CATSPER1: variants seen among roughly 807,000 people sequenced by gnomAD.
CATSPER1 encodes the protein cation channel sperm associated 1, also known as cation channel sperm-associated protein 1.
In CATSPER1, 57 loss-of-function variants were observed where a neutral mutation model predicts 72.7. The ratio of observed to expected loss-of-function variants is 0.78; its 90% CI spans 0.63 to 0.98. CATSPER1 has a LOEUF of 0.98. CATSPER1 is among the 50% of genes least tolerant of loss of function. The probability of loss-of-function intolerance (pLI) is 0.00; values close to 1 mark genes in which losing one functional copy is unlikely to be tolerated. For missense variants in CATSPER1, 910 were observed against 1,033.9 expected (o/e 0.88, Z 1.64); for synonymous variants, 363 against 403.0 (o/e 0.90, Z 1.19).
Position 66,021,125 on chromosome 11 carries a change from TGCGATGGACGGCAAGG to T in CATSPER1, c.1736_1751del (p.Ser579Ter). 1 of 1,613,224 alleles carries T rather than the reference TGCGATGGACGGCAAGG, an allele frequency of 6.2e-7. No homozygotes were observed. Among genetic ancestry groups the T allele is most frequent in the Non-Finnish European group, 8.5e-7 (1 of 1,179,734 alleles). On this transcript the variant is annotated frameshift_variant, in exon 5 of 12. Transcript: ENST00000312106. LOFTEE classifies it high-confidence loss of function. Reference sequence around the variant, plus strand: ...AGGTAAACATGAGGATGAGGATGGCTGCGATGGACGGCAAGGACTGGCCCAGGGTCCCTGTCACTTC... The same window carrying T: ...AGGTAAACATGAGGATGAGGATGGCTACTGGCCCAGGGTCCCTGTCACTTC...
chr11:66,026,406 A>G lies in CATSPER1; in HGVS notation c.-27T>C. On this transcript the variant is annotated 5_prime_UTR_variant, in exon 1 of 12. Coordinates refer to ENST00000312106, the MANE Select transcript of CATSPER1 (RefSeq NM_053054.4). Reference sequence around the variant, plus strand: ...ACTGTGCTGGGAACTCTGGAGCCAAAAGAGCTCAAGACCTGGGCCCAACAG... The same window carrying G: ...ACTGTGCTGGGAACTCTGGAGCCAAGAGAGCTCAAGACCTGGGCCCAACAG... The G allele has an allele frequency of 6.2e-7, 1 of 1,609,710 alleles. No individual in the cohort carries two copies. Among genetic ancestry groups the G allele is most frequent in the Non-Finnish European group, 8.5e-7 (1 of 1,179,860 alleles).
Position 66,020,381 on chromosome 11 carries a change from A to T in CATSPER1, c.2000T>A (p.Ile667Asn). 1 of 1,614,034 alleles carries T rather than the reference A, an allele frequency of 6.2e-7. No individual in the cohort carries two copies. Residue 667 changes from isoleucine (I) to asparagine (N), a missense_variant, in exon 8 of 12, where the codon ATT (isoleucine) becomes AAT (asparagine). Physicochemically the swap from Ile to Asn is moderately radical, Grantham distance 149. Transcript: ENST00000312106. The surrounding 1 kb of genome is among the most constrained non-coding windows in gnomAD (Gnocchi z 4.5). ...IQYFIFLNLV[I>N]TVLVDSFQTA... The stretch of plus-strand genomic sequence containing the variant: ...CTGGAAGCTATCCACCAGGACAGTA[A>T]TCACCAGGCTGGGGAGAGGGACAGG...
rs757773897 is a variant in CATSPER1, at chr11:66,020,654, G to A, written c.1928-27C>T. On this transcript the variant is annotated intron_variant, in intron 6 of 11. Coordinates refer to ENST00000312106, the MANE Select transcript of CATSPER1 (RefSeq NM_053054.4). This position sits in a 1 kb window ranked among gnomAD's most constrained non-coding sequence, Gnocchi z 4.5. The stretch of plus-strand genomic sequence containing the variant: ...TAGGGGGAGCAGGCCAGAGGGCACA[G>A]TCAGGCTGTGCTCGCCACCCCCAAC... 4 of 1,606,964 alleles carry A rather than the reference G, an allele frequency of 2.5e-6. No homozygotes were observed. Among genetic ancestry groups the A allele is most frequent in the Non-Finnish European group, 3.4e-6 (4 of 1,175,156 alleles).
intron 2 of CATSPER1, 82 bp downstream of exon 2, chr11:66,022,767 G>T: frequency 7.1e-6 from 10 of 1,399,002 alleles, no homozygotes; most frequent in Non-Finnish European, 1.0e-5. Flanking sequence ...CCTATAAACC[G>T]CCCGGCACTG....
rs542912532 is a variant in CATSPER1, at chr11:66,018,015, A to G, written c.2201+812T>C. On this transcript the variant is annotated intron_variant, in intron 10 of 11. Coordinates refer to ENST00000312106, the MANE Select transcript of CATSPER1 (RefSeq NM_053054.4). Reference sequence around the variant, plus strand: ...GGAGTTCCAGACCAGTCTGGCCAACATGGTGAAACCCTGTCTCTACTAAAA... The same window carrying G: ...GGAGTTCCAGACCAGTCTGGCCAACGTGGTGAAACCCTGTCTCTACTAAAA... 2.6e-5 allele frequency among the ~76,000 whole-genome samples: 4 copies of G among 152,198 alleles called. No homozygotes were observed. The South Asian group carries it at 6.2e-4, about 24-fold the overall frequency.
At position 66,026,055 on chromosome 11, in the gene CATSPER1, G is replaced by A. The variant is rs372307795; in HGVS notation, c.325C>T (p.Arg109Cys). The A allele has an allele frequency of 2.2e-5, 35 of 1,613,982 alleles. No individual in the cohort carries two copies. The highest frequency in any genetic ancestry group is 1.7e-4 in the Middle Eastern group (1 of 6,060). ...APSQGAVPSH[R>C]SYGEDYHDEL... Reference sequence around the variant, plus strand: ...TCATGGTAGTCCTCACCGTAGGAACGGTGGGAGGGGACGGCGCCTTGAGAG... The same window carrying A: ...TCATGGTAGTCCTCACCGTAGGAACAGTGGGAGGGGACGGCGCCTTGAGAG... The change falls in exon 1 of 12, where the codon CGT (arginine) becomes TGT (cysteine). Residue 109 changes from arginine (R) to cysteine (C), a missense_variant. Coordinates refer to ENST00000312106, the MANE Select transcript of CATSPER1 (RefSeq NM_053054.4).
rs758070867 is a variant in CATSPER1, at chr11:66,025,283, G to A, written c.1097C>T (p.Ser366Phe). The A allele has an allele frequency of 7.4e-6, 12 of 1,614,198 alleles. 1 individual carries two copies. In the Admixed American group the frequency reaches 1.8e-4, roughly 25 times the overall value. ...GACACGTGAGCGGATTGTGCTGGAG[G>A]ACCGAGTCATGCTGTGAGCCGAGCC... is the stretch of plus-strand genomic sequence containing the variant. ...PRGSAHSMTR[S>F]SSTIRSRVTQ... Residue 366 changes from serine (S) to phenylalanine (F), a missense_variant, in exon 1 of 12, where the codon TCC becomes TTC. Ser to Phe is a radical substitution (Grantham distance 155). Coordinates refer to ENST00000312106, the MANE Select transcript of CATSPER1 (RefSeq NM_053054.4).
intron 4 of CATSPER1, 46 bp downstream of exon 4, chr11:66,021,450 T>G (rs1200985560): frequency 6.2e-7 from 1 of 1,605,416 alleles, no homozygotes. Flanking sequence ...CTGTGTCCCC[T>G]CTTCCTTTGG....
chr11:66,024,124 C>T (rs369651709), intron 1 of CATSPER1, among the ~76,000 whole-genome samples: 10 of 151,632 alleles, frequency 6.6e-5, no homozygotes, highest in Non-Finnish European at 1.3e-4. Flanking sequence ...CCACCACACC[C>T]GGCTAATTTT....
In CATSPER1 at chr11:66,020,704, C is replaced by T. The variant is rs572791688; in HGVS notation, c.1928-77G>A. 528 of 1,594,662 alleles carry T rather than the reference C, an allele frequency of 3.3e-4. 1 individual carries two copies. Among genetic ancestry groups the T allele is most frequent in the South Asian group, 6.7e-5 (6 of 89,932 alleles). ...CCACGACCTGCTCCCTTCCCATACCCGGACATGCAGGCATCAGAAGCCCCA... is the reference window on the plus strand; with the variant it reads ...CCACGACCTGCTCCCTTCCCATACCTGGACATGCAGGCATCAGAAGCCCCA... On this transcript the variant is annotated intron_variant, in intron 6 of 11. Coordinates refer to ENST00000312106, the MANE Select transcript of CATSPER1 (RefSeq NM_053054.4). This position sits in a 1 kb window ranked among gnomAD's most constrained non-coding sequence, Gnocchi z 4.5.
At position 66,020,792 on chromosome 11, in the gene CATSPER1, A is replaced by T; in HGVS notation, c.1927+19T>A. ...CCCGCCAATCCCCGGCCCTCCCTGC[A>T]GCCTGGGGCCTGCCCTACCCTGGGC... On this transcript the variant is annotated intron_variant, in intron 6 of 11. Transcript: ENST00000312106. The surrounding 1 kb of genome is among the most constrained non-coding windows in gnomAD (Gnocchi z 4.5). 1 of 1,613,696 alleles carries T rather than the reference A, an allele frequency of 6.2e-7. No homozygotes were observed. The highest frequency in any genetic ancestry group is 1.1e-5 in the South Asian group (1 of 91,076).
Position 66,026,101 on chromosome 11 carries a change from G to A in CATSPER1, c.279C>T (p.Pro93=). 6.2e-7 allele frequency: 1 copy of A among 1,612,118 alleles called. No homozygotes were observed. The highest frequency in any genetic ancestry group is 8.5e-7 in the Non-Finnish European group (1 of 1,178,550). Reference sequence around the variant, plus strand: ...GAGAGGGAGCCAGACCAAAGCCTGTGGGGCCATGGGCTCTGCCGTGATTCC... The same window carrying A: ...GAGAGGGAGCCAGACCAAAGCCTGTAGGGCCATGGGCTCTGCCGTGATTCC... The part of the protein sequence containing the change: ...EARNHGRAHG[P]TGFGLAPSQG... The change falls in exon 1 of 12, where the codon CCC becomes CCT. Residue 93 remains proline (P), a synonymous_variant. Transcript: ENST00000312106.
At position 66,020,269 on chromosome 11, in the gene CATSPER1, C is replaced by T; in HGVS notation, c.2064+48G>A. The T allele has an allele frequency of 3.1e-6, 5 of 1,613,976 alleles. No homozygotes were observed. The highest frequency in any genetic ancestry group is 4.2e-6 in the Non-Finnish European group (5 of 1,179,812). ...TCAACCCTGGAGGCCCCTGGCCTCA[C>T]TCCTCCAGCTTCCTGATCTGGTCCA... is the stretch of plus-strand genomic sequence containing the variant. On this transcript the variant is annotated intron_variant, in intron 8 of 11. Transcript: ENST00000312106. The surrounding 1 kb of genome is among the most constrained non-coding windows in gnomAD (Gnocchi z 4.5).
intron 10 of CATSPER1, 75 bp from the exon 11 acceptor site, chr11:66,017,249 C>A: frequency 1.9e-6 from 2 of 1,046,902 alleles, no homozygotes; most frequent in Non-Finnish European, 2.8e-6. Flanking sequence ...ACCCCAGAAC[C>A]ACCCAGAGGC....
chr11:66,022,820 C>G, intron 2 of CATSPER1, 29 bp downstream of exon 2: 1 of 1,612,518 alleles, frequency 6.2e-7, no homozygotes, highest in Non-Finnish European at 8.5e-7. Flanking sequence ...GGTGGCTTCT[C>G]CATGGGAACA....
chr11:66,023,258 T>A (rs1289435530), intron 1 of CATSPER1, among the ~76,000 whole-genome samples, 197 bp from the exon 2 acceptor site: 1 of 152,146 alleles, frequency 6.6e-6, no homozygotes, highest in Non-Finnish European at 1.5e-5. Context: ...CCCGGCTAAT[T>A]TTTGTATTTT....
At chr11:66,022,330 G>T (rs531225663) in intron 2 of CATSPER1, among the ~76,000 whole-genome samples, 3 of 152,156 alleles carry the variant, frequency 2.0e-5, no homozygotes, top group African/African-American at 4.8e-5. Flanking sequence ...GCCAGACTCC[G>T]TCTAAAATAA....
At chr11:66,017,858 C>T (rs1309465672) in intron 10 of CATSPER1, among the ~76,000 whole-genome samples, 2 of 152,272 alleles carry the variant, frequency 1.3e-5, no homozygotes, top group East Asian at 1.9e-4. Context: ...CTGATGCTGG[C>T]GACCTGGAAA....
chr11:66,022,749 A>G (rs1270112621), intron 2 of CATSPER1, 100 bp downstream of exon 2: 3 of 1,099,372 alleles, frequency 2.7e-6, no homozygotes, highest in Non-Finnish European at 2.8e-6. Flanking sequence ...GGATCAAGTG[A>G]GCTGAGTCCT....
Sources: gnomAD v4.1 joint callset for allele counts (sites outside exome capture counted in the v4.1 genomes callset) on GRCh38, gnomAD v4.1.1 for gene constraint, Gnocchi (gnomAD v3.1) non-coding constraint, MANE v1.5 for transcripts, NCBI Gene and HGNC (gene_info 2026-07-23, HGNC 2026-07-21) for gene names.